Variants in THSD7A observed in about 807,000 individuals in gnomAD.
THSD7A encodes the protein thrombospondin type 1 domain containing 7A.
A neutral mutation model predicts 231.3 loss-of-function variants in THSD7A; 96 were observed. The observed-to-expected ratio is 0.41, with a 90% CI of 0.35 to 0.49. THSD7A has a LOEUF of 0.49. Among genes scored for constraint, THSD7A ranks in the 20% least tolerant of loss-of-function variants. THSD7A has a pLI of 0.05. For synonymous variants in THSD7A, 940 were observed against 743.3 expected, an observed-to-expected ratio of 1.26 and a Z score of -4.30; for missense variants, 2,290 against 2,070.2, an observed-to-expected ratio of 1.11 and a Z score of -2.06.
chr7:11,742,792 C>T (rs767800387), intron 1 of THSD7A, among the ~76,000 whole-genome samples: 1 of 151,902 alleles, frequency 6.6e-6, no homozygotes, highest in African/African-American at 2.4e-5. Flanking sequence ...GGAAGCCATT[C>T]ATTCAAAGGT....
chr7:11,675,669 C>A (rs1012525318), intron 1 of THSD7A, among the ~76,000 whole-genome samples: 2 of 152,184 alleles, frequency 1.3e-5, no homozygotes, highest in African/African-American at 4.8e-5. Context: ...CTGGGCAGAG[C>A]CCACCTCAGC....
intron 1 of THSD7A, among the ~76,000 whole-genome samples, chr7:11,731,340 C>A (rs1781725420): frequency 6.6e-6 from 1 of 151,462 alleles, no homozygotes; most frequent in South Asian, 2.1e-4. Flanking sequence ...CCCAAAAGTA[C>A]CTACCATGCT....
At chr7:11,823,612 G>A (rs1215348517) in intron 1 of THSD7A, among the ~76,000 whole-genome samples, 1 of 152,030 alleles carries the variant, frequency 6.6e-6, no homozygotes, top group Non-Finnish European at 1.5e-5. Flanking sequence ...CCATTTGTTT[G>A]TGTCATTGAC....
chr7:11,709,287 A>T (rs1780870777), intron 1 of THSD7A, among the ~76,000 whole-genome samples: 1 of 150,762 alleles, frequency 6.6e-6, no homozygotes, highest in Admixed American at 6.6e-5. Flanking sequence ...ATATCCCTTA[A>T]GTGATTAATT....
chr7:11,403,109 A>G (rs1783463697), intron 22 of THSD7A, among the ~76,000 whole-genome samples: 1 of 152,202 alleles, frequency 6.6e-6, no homozygotes, highest in Non-Finnish European at 1.5e-5. Context: ...GATACTCTTC[A>G]GAGTACACAG....
At chr7:11,549,005 A>T (rs1442422704) in intron 4 of THSD7A, among the ~76,000 whole-genome samples, 2 of 152,170 alleles carry the variant, frequency 1.3e-5, no homozygotes. Flanking sequence ...CAATCTATCC[A>T]TCTGACAAAG....
intron 1 of THSD7A, among the ~76,000 whole-genome samples, chr7:11,665,012 G>C (rs1322104044): frequency 6.6e-6 from 1 of 152,058 alleles, no homozygotes; most frequent in Non-Finnish European, 1.5e-5. Flanking sequence ...CAATACAGGA[G>C]ATATCGATAC....
rs57755425 is a variant in THSD7A, at chr7:11,389,421, CTTTTTTTTTTTTTTTTTTTTTT to C, written c.4412-6827_4412-6806del. The stretch of plus-strand genomic sequence containing the variant: ...TCAGAGACTAGAATTGCAACTCCTG[CTTTTTTTTTTTTTTTTTTTTTT>C]TTTTTTTTTTTTTTTTTGCTATTTG... On this transcript the variant is annotated intron_variant, in intron 23 of 27. Transcript: ENST00000423059. Among the ~76,000 whole-genome samples, 52 of 37,608 alleles carry C rather than the reference CTTTTTTTTTTTTTTTTTTTTTT, an allele frequency of 1.4e-3. 1 individual carries two copies. The highest frequency in any genetic ancestry group is 4.6e-3 in the East Asian group (4 of 866). 24.7% of individuals were successfully genotyped at this position (37,608 alleles called of 152,430 possible).
At chr7:11,485,671 G>A (rs759060147) in intron 6 of THSD7A, among the ~76,000 whole-genome samples, 1 of 152,114 alleles carries the variant, frequency 6.6e-6, no homozygotes, top group Non-Finnish European at 1.5e-5. Context: ...ATCTGCTTTT[G>A]AACTAGATTG....
intron 6 of THSD7A, among the ~76,000 whole-genome samples, chr7:11,538,797 G>A (rs997648585): frequency 3.9e-5 from 6 of 151,988 alleles, no homozygotes; most frequent in African/African-American, 1.5e-4. Flanking sequence ...AACTCCTCCT[G>A]GGGTCTCTTA....
chr7:11,783,535 T>C (rs1783697286), intron 1 of THSD7A, among the ~76,000 whole-genome samples: 1 of 152,134 alleles, frequency 6.6e-6, no homozygotes, highest in Non-Finnish European at 1.5e-5. Flanking sequence ...ATTTTATAGA[T>C]CAAACTTCAC....
At chr7:11,684,598 G>C (rs1779965823) in intron 1 of THSD7A, among the ~76,000 whole-genome samples, 1 of 151,778 alleles carries the variant, frequency 6.6e-6, no homozygotes, top group Admixed American at 6.6e-5. Context: ...TAATGTTCAA[G>C]CTGGAAACCA....
chr7:11,374,426 A>G lies in THSD7A; in HGVS notation c.*1368T>C, dbSNP rs1156384756. ...TACATTGAAGAGAGAGATTGCTTCA[A>G]ATTTTGCCAGTGAGAAAGGCAAAAG... On this transcript the variant is annotated 3_prime_UTR_variant, in exon 28 of 28. Transcript: ENST00000423059. 1.3e-5 allele frequency: 2 copies of G among 152,084 alleles called. No individual in the cohort carries two copies. The highest frequency in any genetic ancestry group is 2.4e-5 in the African/African-American group (1 of 41,428). 9.4% of individuals were successfully genotyped at this position (152,084 alleles called of 1,614,324 possible).
At chr7:11,648,459 G>A (rs1429818870) in intron 1 of THSD7A, among the ~76,000 whole-genome samples, 1 of 151,854 alleles carries the variant, frequency 6.6e-6, no homozygotes, top group Admixed American at 6.6e-5. Context: ...TTCTGTGTGG[G>A]CCTGATCCCC....
chr7:11,387,263 C>CTT (rs1227415083), intron 23 of THSD7A, among the ~76,000 whole-genome samples: 4 of 152,028 alleles, frequency 2.6e-5, no homozygotes, highest in Non-Finnish European at 5.9e-5. Flanking sequence ...TCAATGGTAA[C>CTT]TTGATGGGGA....
At chr7:11,529,984 C>G (rs144904312) in intron 6 of THSD7A, among the ~76,000 whole-genome samples, 1 of 152,104 alleles carries the variant, frequency 6.6e-6, no homozygotes, top group Non-Finnish European at 1.5e-5. Context: ...GCATTATAAA[C>G]AGGTCTCATT....
intron 4 of THSD7A, among the ~76,000 whole-genome samples, chr7:11,550,064 A>G (rs572363080): frequency 1.3e-5 from 2 of 152,290 alleles, no homozygotes; most frequent in East Asian, 1.9e-4. Context: ...TTCACAGATG[A>G]TATGCTTTTA....
intron 1 of THSD7A, among the ~76,000 whole-genome samples, chr7:11,709,581 G>C (rs1381106895): frequency 6.6e-6 from 1 of 150,758 alleles, no homozygotes; most frequent in Non-Finnish European, 1.5e-5. Context: ...GTATAGTTCA[G>C]TCAATACCTG....
chr7:11,397,447 C>G (rs902086513), intron 23 of THSD7A, among the ~76,000 whole-genome samples: 1 of 152,164 alleles, frequency 6.6e-6, no homozygotes, highest in Non-Finnish European at 1.5e-5. Flanking sequence ...AGACCTAAAA[C>G]CGTAAAAACC....
Sources: gnomAD v4.1 joint callset for allele counts (sites outside exome capture counted in the v4.1 genomes callset) on GRCh38, gnomAD v4.1.1 for gene constraint, MANE v1.5 for transcripts, NCBI Gene and HGNC (gene_info 2026-07-23, HGNC 2026-07-21) for gene names.